The following SLC25A13 variants were observed in gnomAD, a reference collection of about 807,000 sequenced individuals.
SLC25A13 encodes the protein electrogenic aspartate/glutamate antiporter SLC25A13, mitochondrial.
SLC25A13 carries 70 observed loss-of-function variants against 85.5 expected under a neutral mutation model. That is an observed-to-expected ratio of 0.82 (90% CI 0.68 to 1.00). The LOEUF is 1.00. Among genes scored for constraint, SLC25A13 ranks in the 50% least tolerant of loss-of-function variants. The probability of loss-of-function intolerance (pLI) is 0.00; values close to 1 mark genes in which losing one functional copy is unlikely to be tolerated. For missense variants in SLC25A13, 765 were observed against 819.8 expected (o/e 0.93, Z 0.82); for synonymous variants, 259 against 288.7 (o/e 0.90, Z 1.04).
intron 4 of SLC25A13, among the ~76,000 whole-genome samples, chr7:96,232,961 C>T (rs373953585): frequency 1.3e-5 from 2 of 152,210 alleles, no homozygotes; most frequent in East Asian, 3.8e-4. Context: ...TTCTTCTAAT[C>T]ACACTAACAC....
chr7:96,271,051 A>G, intron 3 of SLC25A13, among the ~76,000 whole-genome samples: 1 of 152,180 alleles, frequency 6.6e-6, no homozygotes, highest in East Asian at 1.9e-4. Flanking sequence ...TAATATCTTC[A>G]TCTCAAAATT....
intron 2 of SLC25A13, among the ~76,000 whole-genome samples, chr7:96,292,364 T>C (rs980525333): frequency 6.6e-6 from 1 of 152,162 alleles, no homozygotes; most frequent in Non-Finnish European, 1.5e-5. Context: ...CTTTGAAAAC[T>C]GGCACAAGAC....
chr7:96,273,094 G>C (rs1354745115), intron 3 of SLC25A13, among the ~76,000 whole-genome samples: 1 of 152,164 alleles, frequency 6.6e-6, no homozygotes, highest in Non-Finnish European at 1.5e-5. Context: ...CTCCTGAGGA[G>C]ATACAATGGG....
chr7:96,148,073 T>C (rs1792876567), intron 13 of SLC25A13, among the ~76,000 whole-genome samples: 1 of 152,192 alleles, frequency 6.6e-6, no homozygotes, highest in East Asian at 1.9e-4. Context: ...GTTCATTAAC[T>C]CTCTAAATCA....
At chr7:96,307,688 T>C (rs1376341800) in intron 1 of SLC25A13, among the ~76,000 whole-genome samples, 1 of 152,164 alleles carries the variant, frequency 6.6e-6, no homozygotes, top group African/African-American at 2.4e-5. Context: ...GGGTTAATTA[T>C]ACTATTCCAG....
At chr7:96,135,890 C>A (rs973233110) in intron 14 of SLC25A13, among the ~76,000 whole-genome samples, 6 of 110,210 alleles carry the variant, frequency 5.4e-5, no homozygotes, top group South Asian at 2.9e-4. Flanking sequence ...AACTGGTTTT[C>A]TAGGCAGCTC....
intron 1 of SLC25A13, among the ~76,000 whole-genome samples, chr7:96,313,791 A>T (rs970432959): frequency 2.0e-5 from 3 of 151,968 alleles, no homozygotes; most frequent in African/African-American, 4.8e-5. Context: ...TAAAATGTAC[A>T]TTTAAAAAAA....
intron 13 of SLC25A13, 154 bp downstream of exon 13, chr7:96,169,891 G>C (rs929486004): frequency 5.3e-6 from 4 of 752,220 alleles, no homozygotes; most frequent in Admixed American, 4.1e-5. Flanking sequence ...GGAATGGTTC[G>C]CCTGTCTAGG....
intron 13 of SLC25A13, among the ~76,000 whole-genome samples, chr7:96,166,283 C>T (rs1793738170): frequency 6.6e-6 from 1 of 152,148 alleles, no homozygotes. Flanking sequence ...ATCAAAGGAC[C>T]ATAGTTTAAA....
At chr7:96,188,183 G>A (rs546482502) in intron 9 of SLC25A13, among the ~76,000 whole-genome samples, 59 of 152,128 alleles carry the variant, frequency 3.9e-4, no homozygotes, top group Non-Finnish European at 6.9e-4. Context: ...CAAAGGGAAG[G>A]GAGAGCAGTG....
At chr7:96,303,299 A>C (rs1458367430) in intron 1 of SLC25A13, among the ~76,000 whole-genome samples, 1 of 152,154 alleles carries the variant, frequency 6.6e-6, no homozygotes, top group Non-Finnish European at 1.5e-5. Context: ...GCCTTAGATA[A>C]GAACTACAAA....
intron 3 of SLC25A13, among the ~76,000 whole-genome samples, chr7:96,239,065 A>ATATATATATATATATATATATATG (rs1392985826): frequency 1.1e-4 from 14 of 132,028 alleles, no homozygotes; most frequent in African/African-American, 3.2e-4. Context: ...ATATATATAT[A>ATATATATATATATATATATATATG]TATGTATGTA....
chr7:96,311,776 G>T (rs376022357), intron 1 of SLC25A13, among the ~76,000 whole-genome samples: 1 of 151,872 alleles, frequency 6.6e-6, no homozygotes, highest in Non-Finnish European at 1.5e-5. Flanking sequence ...CCAATACAGA[G>T]AAATGAAAAG....
intron 11 of SLC25A13, among the ~76,000 whole-genome samples, chr7:96,180,872 C>A (rs1562820611): frequency 6.6e-6 from 1 of 152,208 alleles, no homozygotes; most frequent in Non-Finnish European, 1.5e-5. Context: ...TTATGCCAGT[C>A]ATTCAAACCA....
At chr7:96,264,547 G>A (rs1313258851) in intron 3 of SLC25A13, among the ~76,000 whole-genome samples, 3 of 152,126 alleles carry the variant, frequency 2.0e-5, no homozygotes, top group African/African-American at 7.2e-5. Flanking sequence ...TCTTAACACA[G>A]TTATAAATTG....
At chr7:96,247,828 T>C (rs1797260406) in intron 3 of SLC25A13, among the ~76,000 whole-genome samples, 1 of 152,038 alleles carries the variant, frequency 6.6e-6, no homozygotes, top group Non-Finnish European at 1.5e-5. Flanking sequence ...ATGCACCACA[T>C]AGTTGTCTCA....
At chr7:96,304,005 T>C (rs1039622398) in intron 1 of SLC25A13, among the ~76,000 whole-genome samples, 3 of 152,136 alleles carry the variant, frequency 2.0e-5, no homozygotes, top group Non-Finnish European at 2.9e-5. Flanking sequence ...AATCAGTAAT[T>C]GCAAAAGAAA....
At chr7:96,128,941 TCTCTCTC>T (rs1296738307) in intron 15 of SLC25A13, among the ~76,000 whole-genome samples, 2 of 98,420 alleles carry the variant, frequency 2.0e-5, no homozygotes, top group African/African-American at 8.9e-5. Context: ...CCTTGCTTGC[TCTCTCTC>T]TCTCTCTCTC....
At chr7:96,321,850 G>A in intron 1 of SLC25A13, 92 bp downstream of exon 1, 3 of 1,422,976 alleles carry the variant, frequency 2.1e-6, no homozygotes, top group Admixed American at 2.6e-5. Flanking sequence ...CTCCGCCTGT[G>A]GCACCAACCC....
Sources: gnomAD v4.1 joint callset for allele counts (sites outside exome capture counted in the v4.1 genomes callset) on GRCh38, gnomAD v4.1.1 for gene constraint, MANE v1.5 for transcripts, NCBI Gene and HGNC (gene_info 2026-07-23, HGNC 2026-07-21) for gene names.